Variants in PTPRB observed in about 807,000 individuals in gnomAD.
PTPRB encodes protein tyrosine phosphatase receptor type B, also known as receptor-type tyrosine-protein phosphatase beta.
Under a neutral mutation model 238.1 loss-of-function variants are expected in PTPRB, and 97 were observed. The observed-to-expected ratio is 0.41, with a 90% CI of 0.35 to 0.48. The LOEUF is 0.48. Among genes scored for constraint, PTPRB ranks in the 20% least tolerant of loss-of-function variants. The pLI is 0.30. For synonymous variants in PTPRB, 970 were observed against 995.4 expected (o/e 0.97, Z 0.48); for missense variants, 2,292 against 2,681.9 (o/e 0.85, Z 3.21).
chr12:70,574,546 C>T (rs1034522524), intron 11 of PTPRB, among the ~76,000 whole-genome samples: 2 of 152,298 alleles, frequency 1.3e-5, no homozygotes, highest in East Asian at 1.9e-4. Flanking sequence ...CTGAATATCA[C>T]GTTAAGTCAA....
At chr12:70,567,856 G>A (rs1879508338) in intron 14 of PTPRB, among the ~76,000 whole-genome samples, 1 of 152,024 alleles carries the variant, frequency 6.6e-6, no homozygotes, top group South Asian at 2.1e-4. Flanking sequence ...GTATACTTTT[G>A]CTTTTTATAC....
At position 70,569,750 on chromosome 12, in the gene PTPRB, C is replaced by T. The variant is rs758312833; in HGVS notation, c.3559G>A (p.Gly1187Arg). The T allele has an allele frequency of 1.9e-6, 3 of 1,613,878 alleles. No homozygotes were observed. Among genetic ancestry groups the T allele is most frequent in the South Asian group, 1.1e-5 (1 of 91,068 alleles). Residue 1187 changes from glycine (G) to arginine (R), a missense_variant, in exon 14 of 34, where the codon GGG becomes AGG. Gly to Arg is a moderately radical substitution (Grantham distance 125). Around this residue, in one of 4 missense-constraint regions of PTPRB, gnomAD observed 683 missense variants for 862.0 expected, o/e 0.79. Transcript: ENST00000334414. Reference protein sequence around the residue: ...FEHTFHRLEAGEQYQIMIASV... With the variant: ...FEHTFHRLEAREQYQIMIASV... ...GCAATCATGATCTGGTACTGCTCCC[C>T]GGCCTCCAGTCTGTGGAACGTGTGC...
chr12:70,527,318 G>A (rs1341315432), intron 32 of PTPRB, among the ~76,000 whole-genome samples: 2 of 152,114 alleles, frequency 1.3e-5, no homozygotes, highest in Non-Finnish European at 2.9e-5. Context: ...AAAGAGAAAA[G>A]GTGATATTTA....
chr12:70,537,992 T>C (rs2136244081), intron 28 of PTPRB, 163 bp downstream of exon 28: 2 of 536,326 alleles, frequency 3.7e-6, no homozygotes, highest in Middle Eastern at 9.7e-4. Flanking sequence ...TAGCAGGAAC[T>C]GAATTGGATA....
At chr12:70,619,392 C>T (rs1223229108) in intron 3 of PTPRB, among the ~76,000 whole-genome samples, 3 of 151,918 alleles carry the variant, frequency 2.0e-5, no homozygotes, top group African/African-American at 4.8e-5. Context: ...TCAATATGCA[C>T]GCTCCTTTAC....
intron 11 of PTPRB, among the ~76,000 whole-genome samples, chr12:70,575,416 A>G (rs1183761060): frequency 6.6e-6 from 1 of 152,190 alleles, no homozygotes; most frequent in African/African-American, 2.4e-5. Context: ...AGAAATGCAT[A>G]TACCTTTCCT....
At chr12:70,590,796 C>A (rs1340936746) in intron 7 of PTPRB, among the ~76,000 whole-genome samples, 2 of 151,944 alleles carry the variant, frequency 1.3e-5, no homozygotes, top group Non-Finnish European at 2.9e-5. Flanking sequence ...GTTCTGTAGA[C>A]CTGCAAGTCT....
At chr12:70,553,999 CATATT>C (rs1877284356) in intron 20 of PTPRB, among the ~76,000 whole-genome samples, 1 of 152,186 alleles carries the variant, frequency 6.6e-6, no homozygotes. Context: ...GTTACTGTCT[CATATT>C]CATGTAGCAA....
intron 14 of PTPRB, among the ~76,000 whole-genome samples, chr12:70,567,376 A>G (rs1489339024): frequency 6.6e-6 from 1 of 152,212 alleles, no homozygotes; most frequent in Non-Finnish European, 1.5e-5. Context: ...AATGTACCAC[A>G]GACATCCAAC....
At chr12:70,610,592 C>T (rs76167062) in intron 3 of PTPRB, among the ~76,000 whole-genome samples, 1 of 152,006 alleles carries the variant, frequency 6.6e-6, no homozygotes, top group Non-Finnish European at 1.5e-5. Context: ...TCATTTGTCC[C>T]GGTGGCATCC....
At chr12:70,598,599 A>G (rs942152644) in intron 4 of PTPRB, among the ~76,000 whole-genome samples, 22 of 152,200 alleles carry the variant, frequency 1.4e-4, no homozygotes, top group Non-Finnish European at 2.9e-5. Flanking sequence ...AGAGGAGTCT[A>G]TGAGATTCTA....
At chr12:70,614,103 C>T (rs889456455) in intron 3 of PTPRB, among the ~76,000 whole-genome samples, 12 of 152,194 alleles carry the variant, frequency 7.9e-5, no homozygotes, top group Admixed American at 4.6e-4. Context: ...CTCAAATTAT[C>T]GTCATCTGAG....
At chr12:70,552,483 C>CAA (rs60295837) in intron 21 of PTPRB, among the ~76,000 whole-genome samples, 90,336 of 121,848 alleles carry the variant, frequency 0.74, 34,753 homozygotes, top group Non-Finnish European at 0.86. Context: ...GACTCTGTCT[C>CAA]AAAAAAAAAA....
chr12:70,628,963 G>A (rs1302303144), intron 2 of PTPRB, among the ~76,000 whole-genome samples: 1 of 152,074 alleles, frequency 6.6e-6, no homozygotes, highest in African/African-American at 2.4e-5. Flanking sequence ...AACTATTCAT[G>A]GCATTCCTGA....
At chr12:70,628,176 T>C (rs536161702) in intron 2 of PTPRB, among the ~76,000 whole-genome samples, 7 of 152,310 alleles carry the variant, frequency 4.6e-5, no homozygotes, top group Admixed American at 1.3e-4. Flanking sequence ...AGTGCAGCCC[T>C]TGGAATTAAA....
intron 3 of PTPRB, among the ~76,000 whole-genome samples, chr12:70,613,164 G>T (rs1884535597): frequency 6.6e-6 from 1 of 151,998 alleles, no homozygotes; most frequent in South Asian, 2.1e-4. Context: ...GGTGTTGGAT[G>T]GATGAGGGGA....
At chr12:70,603,846 T>C (rs1883721457) in intron 4 of PTPRB, among the ~76,000 whole-genome samples, 1 of 152,186 alleles carries the variant, frequency 6.6e-6, no homozygotes, top group Non-Finnish European at 1.5e-5. Context: ...GCAGTCTACC[T>C]TCAAAACTCA....
chr12:70,586,966 G>C, intron 9 of PTPRB, 41 bp downstream of exon 9: 7 of 1,567,436 alleles, frequency 4.5e-6, no homozygotes, highest in Non-Finnish European at 6.1e-6. Context: ...TAATTCAGCA[G>C]ACAGAACACT....
At chr12:70,636,748 G>A (rs376380394) in intron 1 of PTPRB, among the ~76,000 whole-genome samples, 1 of 151,950 alleles carries the variant, frequency 6.6e-6, no homozygotes, top group Non-Finnish European at 1.5e-5. Flanking sequence ...TCTCAAATAC[G>A]AATAGATTTT....
Sources: gnomAD v4.1 joint callset for allele counts (sites outside exome capture counted in the v4.1 genomes callset) on GRCh38, gnomAD v4.1.1 for gene constraint, gnomAD v4.1.1 regional missense constraint, MANE v1.5 for transcripts, NCBI Gene and HGNC (gene_info 2026-07-23, HGNC 2026-07-21) for gene names.